CSMD1: variants seen among roughly 807,000 people sequenced by gnomAD.
CSMD1 encodes CUB and sushi domain-containing protein 1.
A neutral mutation model predicts 417.5 loss-of-function variants in CSMD1; 213 were observed. The ratio of observed to expected loss-of-function variants is 0.51; its 90% confidence interval spans 0.46 to 0.57. The LOEUF (loss-of-function observed/expected upper bound fraction) is 0.57, where lower values mean the gene tolerates loss of function less well. CSMD1 is among the 20% of genes least tolerant of loss of function. The pLI is 0.00. For missense variants in CSMD1, 6,923 were observed against 4,529.7 expected (o/e 1.53, Z -15.17); for synonymous variants, 2,862 against 1,736.8 (o/e 1.65, Z -16.11).
intron 11 of CSMD1, among the ~76,000 whole-genome samples, chr8:3,486,280 A>G (rs564037765): frequency 2.8e-5 from 4 of 144,700 alleles, no homozygotes; most frequent in African/African-American, 1.0e-4. Context: ...ACTATTTTTT[A>G]TCTACCATTC....
rs1416771924 is a variant in CSMD1 at position 2,937,383 on chromosome 8, C to G, written c.*1202G>C. On this transcript the variant is annotated 3_prime_UTR_variant, in exon 70 of 70. Coordinates refer to ENST00000635120, the MANE Select transcript of CSMD1 (RefSeq NM_033225.6). ...AATTTTCACTGAGTTCAAGGTGCTA[C>G]TGTGGTATATTGTCTTTCAATGCAA... The G allele has an allele frequency of 6.8e-6, 1 of 146,220 alleles. No homozygotes were observed. Among genetic ancestry groups the G allele is most frequent in the Non-Finnish European group, 1.5e-5 (1 of 67,340 alleles). The allele number at this position is 146,220 out of a possible 1,614,324, so 9.1% of individuals were successfully genotyped here. A position where few individuals can be genotyped will look rare whatever the true frequency, so the allele number is the denominator to read the frequency against.
At chr8:4,349,150 G>C (rs1460274175) in intron 3 of CSMD1, among the ~76,000 whole-genome samples, 1 of 152,194 alleles carries the variant, frequency 6.6e-6, no homozygotes, top group African/African-American at 2.4e-5. Flanking sequence ...TACAGAGCTT[G>C]CATATGTGCT....
At chr8:4,041,596 A>G (rs1426274503) in intron 3 of CSMD1, among the ~76,000 whole-genome samples, 2 of 152,298 alleles carry the variant, frequency 1.3e-5, no homozygotes, top group African/African-American at 2.4e-5. Context: ...GCATCCAATC[A>G]AAAAGTAATA....
At chr8:3,309,212 A>G (rs1805131967) in intron 23 of CSMD1, among the ~76,000 whole-genome samples, 1 of 152,186 alleles carries the variant, frequency 6.6e-6, no homozygotes, top group African/African-American at 2.4e-5. Flanking sequence ...CGGCACTGCC[A>G]GGGTGCTTTG....
Position 3,275,804 on chromosome 8 carries a change from A to T in CSMD1, c.4153+8340T>A, listed in dbSNP as rs925011193. ...TCAGCTCCTTTAAGCACTTCTCTGT[A>T]TTGGTTATTCTAGTTATACATTCTT... is the stretch of plus-strand genomic sequence containing the variant. On this transcript the variant is annotated intron_variant, in intron 26 of 69. Transcript: ENST00000635120. 2.0e-5 allele frequency among the ~76,000 whole-genome samples: 3 copies of T among 151,906 alleles called. No homozygotes were observed. In the East Asian group the frequency reaches 5.8e-4, roughly 29 times the overall value.
chr8:4,919,043 C>A (rs1806259125), intron 1 of CSMD1, among the ~76,000 whole-genome samples: 1 of 152,118 alleles, frequency 6.6e-6, no homozygotes. Context: ...ACGAATGTAA[C>A]AGAGCCATGG....
At chr8:3,918,064 A>G (rs1301233631) in intron 5 of CSMD1, among the ~76,000 whole-genome samples, 2 of 152,070 alleles carry the variant, frequency 1.3e-5, no homozygotes, top group Non-Finnish European at 2.9e-5. Context: ...ATTTCATTGT[A>G]TATTCCACTT....
intron 3 of CSMD1, among the ~76,000 whole-genome samples, chr8:4,139,169 TTTAC>T (rs1047915175): frequency 2.6e-5 from 4 of 152,178 alleles, no homozygotes; most frequent in African/African-American, 9.7e-5. Context: ...CATGAAACCC[TTTAC>T]TTAAACTGTT....
intron 1 of CSMD1, among the ~76,000 whole-genome samples, chr8:4,920,459 A>T (rs1024696619): frequency 1.3e-5 from 2 of 152,218 alleles, no homozygotes; most frequent in Admixed American, 6.5e-5. Flanking sequence ...AAACAAAAGT[A>T]TATGTCTGCA....
chr8:4,912,601 A>G (rs935526856), intron 1 of CSMD1, among the ~76,000 whole-genome samples: 29 of 152,138 alleles, frequency 1.9e-4, no homozygotes, highest in Non-Finnish European at 8.8e-5. Context: ...CTGCCTTCCT[A>G]TTTTAGCTCA....
At chr8:4,101,378 C>G (rs569440320) in intron 3 of CSMD1, among the ~76,000 whole-genome samples, 1 of 152,254 alleles carries the variant, frequency 6.6e-6, no homozygotes, top group East Asian at 1.9e-4. Flanking sequence ...ATCTGGGGCC[C>G]TGACAACGAT....
At chr8:3,422,517 C>T (rs942880903) in intron 12 of CSMD1, among the ~76,000 whole-genome samples, 1 of 151,998 alleles carries the variant, frequency 6.6e-6, no homozygotes, top group Non-Finnish European at 1.5e-5. Flanking sequence ...AGGTATACTA[C>T]TGAAGAAATC....
At chr8:4,991,340 C>A (rs908248221) in intron 1 of CSMD1, among the ~76,000 whole-genome samples, 2 of 152,194 alleles carry the variant, frequency 1.3e-5, no homozygotes, top group African/African-American at 2.4e-5. Context: ...AAAAGGAAAT[C>A]GCCAGTGAAT....
At chr8:4,666,780 G>T (rs968881700) in intron 1 of CSMD1, among the ~76,000 whole-genome samples, 1 of 151,960 alleles carries the variant, frequency 6.6e-6, no homozygotes, top group Non-Finnish European at 1.5e-5. Context: ...TTGCAAAAAC[G>T]TTCTCACATT....
chr8:3,030,797 C>G (rs1389440962), intron 50 of CSMD1, among the ~76,000 whole-genome samples: 1 of 152,018 alleles, frequency 6.6e-6, no homozygotes, highest in Non-Finnish European at 1.5e-5. Flanking sequence ...TATTCAAATT[C>G]TATACAAGTT....
At chr8:2,995,265 A>C (rs984275196) in intron 54 of CSMD1, among the ~76,000 whole-genome samples, 2 of 152,220 alleles carry the variant, frequency 1.3e-5, no homozygotes, top group Non-Finnish European at 2.9e-5. Context: ...TTCACTGAAG[A>C]GTACAGATGG....
intron 26 of CSMD1, among the ~76,000 whole-genome samples, chr8:3,275,192 T>A (rs2117179143): frequency 6.6e-6 from 1 of 152,302 alleles, no homozygotes; most frequent in South Asian, 2.1e-4. Context: ...TTATGAAGCT[T>A]AGTTTGGCTG....
chr8:4,354,772 C>G (rs546497993), intron 3 of CSMD1, among the ~76,000 whole-genome samples: 1 of 151,908 alleles, frequency 6.6e-6, no homozygotes, highest in Non-Finnish European at 1.5e-5. Flanking sequence ...GATTTCCCCC[C>G]TCCCAGAAAA....
At chr8:4,264,849 G>T (rs1198786661) in intron 3 of CSMD1, among the ~76,000 whole-genome samples, 1 of 152,164 alleles carries the variant, frequency 6.6e-6, no homozygotes, top group South Asian at 2.1e-4. Flanking sequence ...TTCAATCCTA[G>T]ATGAGTAAAT....
Sources: allele counts gnomAD v4.1 joint callset (sites outside exome capture counted in the v4.1 genomes callset), GRCh38; gene constraint gnomAD v4.1.1; transcripts MANE v1.5; gene names NCBI Gene and HGNC (gene_info 2026-07-23, HGNC 2026-07-21).